The following STK3 variants were observed in gnomAD, a reference collection of about 807,000 sequenced individuals.
STK3 encodes serine/threonine kinase 3.
STK3 carries 41 observed loss-of-function variants against 58.0 expected under a neutral mutation model. The ratio of observed to expected loss-of-function variants is 0.71; its 90% confidence interval spans 0.55 to 0.92. The LOEUF (loss-of-function observed/expected upper bound fraction) is 0.92, where lower values mean the gene tolerates loss of function less well. STK3 is among the 40% of genes least tolerant of loss of function. STK3 has a pLI of 0.00. For missense variants in STK3, 479 were observed against 602.7 expected (o/e 0.79, Z 2.15); for synonymous variants, 170 against 191.0 (o/e 0.89, Z 0.91).
At chr8:98,578,735 T>C (rs1337929798) in intron 8 of STK3, among the ~76,000 whole-genome samples, 1 of 152,236 alleles carries the variant, frequency 6.6e-6, no homozygotes, top group Non-Finnish European at 1.5e-5. Flanking sequence ...AAATAATACA[T>C]GTGTTTTCAG....
chr8:98,462,293 CA>C lies in STK3; in HGVS notation c.1318-6294del, dbSNP rs1330224352. On this transcript the variant is annotated intron_variant, in intron 10 of 10. Transcript: ENST00000419617. ...TGATGAGAAAGCAAAAAATGTCCAT[CA>C]AAATATGAATGGATAAAGAAAATAT... Among the ~76,000 whole-genome samples the C allele has an allele frequency of 8.5e-5, 13 of 152,142 alleles. No individual in the cohort carries two copies. In the South Asian group the frequency reaches 2.5e-3, roughly 29 times the overall value.
At chr8:98,670,602 G>T (rs1198445507) in intron 6 of STK3, among the ~76,000 whole-genome samples, 3 of 152,158 alleles carry the variant, frequency 2.0e-5, no homozygotes, top group African/African-American at 7.2e-5. Context: ...ATGACCCAGA[G>T]AGAGAACTTC....
intron 10 of STK3, among the ~76,000 whole-genome samples, chr8:98,499,633 T>C (rs1823416820): frequency 6.6e-6 from 1 of 152,318 alleles, no homozygotes; most frequent in African/African-American, 2.4e-5. Flanking sequence ...TATATCATCA[T>C]AAGCAGAATG....
chr8:98,855,990 C>T (rs1396067646), intron 3 of STK3, among the ~76,000 whole-genome samples: 1 of 151,972 alleles, frequency 6.6e-6, no homozygotes, highest in Non-Finnish European at 1.5e-5. Flanking sequence ...AACTCCGTCT[C>T]TACTAAAAGT....
chr8:98,355,571 G>C, the STK3 span, among the ~76,000 whole-genome samples: 1,081 of 152,354 alleles, frequency 7.1e-3, 6 homozygotes, highest in Middle Eastern at 0.014. Context: ...CAGAGAAGAA[G>C]TGCAGGAACT....
chr8:98,795,079 CAA>C (rs35865316), intron 1 of STK3, among the ~76,000 whole-genome samples: 2 of 13,378 alleles, frequency 1.5e-4, no homozygotes, highest in African/African-American at 5.8e-4. Context: ...AACTCCGTCG[CAA>C]AAAAAAAAAA....
chr8:98,823,487 A>G (rs928915584), intron 1 of STK3, among the ~76,000 whole-genome samples: 1 of 152,236 alleles, frequency 6.6e-6, no homozygotes, highest in Admixed American at 6.5e-5. Context: ...CAGCCTTTGT[A>G]GCCAATCAGA....
chr8:98,647,288 T>A (rs1360902717), intron 6 of STK3, among the ~76,000 whole-genome samples: 2 of 152,198 alleles, frequency 1.3e-5, no homozygotes, highest in African/African-American at 4.8e-5. Flanking sequence ...CACAAATTTG[T>A]CCACCAAAAC....
At chr8:98,499,005 T>C (rs904463687) in intron 10 of STK3, among the ~76,000 whole-genome samples, 1 of 152,222 alleles carries the variant, frequency 6.6e-6, no homozygotes, top group African/African-American at 2.4e-5. Flanking sequence ...GAGATAATTC[T>C]GAATAACTTG....
upstream of STK3, among the ~76,000 whole-genome samples, chr8:98,828,765 A>G (rs1292275932): frequency 6.6e-6 from 1 of 152,220 alleles, no homozygotes; most frequent in Non-Finnish European, 1.5e-5. Flanking sequence ...AAGTTGTGAT[A>G]GAGATACTGT....
intron 6 of STK3, among the ~76,000 whole-genome samples, chr8:98,657,464 C>T (rs1821638472): frequency 6.6e-6 from 1 of 151,930 alleles, no homozygotes; most frequent in African/African-American, 2.4e-5. Context: ...GAAATGAGGG[C>T]AGGAGAGAGA....
At chr8:98,865,242 A>G (rs1231140697) in intron 3 of STK3, among the ~76,000 whole-genome samples, 1 of 152,134 alleles carries the variant, frequency 6.6e-6, no homozygotes, top group Admixed American at 6.5e-5. Context: ...CTTTCTTAAC[A>G]ATTAGGTGAG....
At position 98,631,197 on chromosome 8, in the gene STK3, T is replaced by A. The variant is rs147697200; in HGVS notation, c.685-35028A>T. On this transcript the variant is annotated intron_variant, in intron 6 of 10. Coordinates refer to ENST00000419617, the MANE Select transcript of STK3 (RefSeq NM_006281.4). ...GGCTTCCATTCTTGTCCTGCTACAA[T>A]CCCTTCTCAATGAAGAACGAGCCGT... 2.6e-5 allele frequency among the ~76,000 whole-genome samples: 4 copies of A among 152,270 alleles called. No homozygotes were observed. The East Asian group carries it at 7.7e-4, about 29-fold the overall frequency.
At chr8:98,544,434 T>C (rs1486846203) in intron 9 of STK3, among the ~76,000 whole-genome samples, 1 of 152,148 alleles carries the variant, frequency 6.6e-6, no homozygotes, top group Non-Finnish European at 1.5e-5. Context: ...AATATGCATT[T>C]CCCAAATAAT....
In STK3 at chr8:98,899,489, A is replaced by T. The variant is rs77244348; in HGVS notation, c.-78-15655T>A. ...CTAAACAATACATTATATTAATAACAATGATTTATATAGCATTTATAGTGT... is the reference window on the plus strand; with the variant it reads ...CTAAACAATACATTATATTAATAACTATGATTTATATAGCATTTATAGTGT... On this transcript the variant is annotated intron_variant, in intron 1 of 1. Transcript: ENST00000519420. Among the ~76,000 whole-genome samples the T allele has an allele frequency of 2.8e-3, 426 of 152,302 alleles. 6 individuals carry two copies. The highest frequency in any genetic ancestry group is 0.019 in the South Asian group (94 of 4,822).
Position 98,428,259 on chromosome 8 carries a change from G to A in STK3, n.483+5868C>T, listed in dbSNP as rs779927912. ...TCACACCGGCAAGCTTCACGTCATGGCTGAGCTATGTGTCTTCTCCTTCAG... is the reference window on the plus strand; with the variant it reads ...TCACACCGGCAAGCTTCACGTCATGACTGAGCTATGTGTCTTCTCCTTCAG... On this transcript the variant is annotated intron_variant and non_coding_transcript_variant, in intron 3 of 3. Transcript: ENST00000517832. This position sits in a 1 kb window ranked among gnomAD's most constrained non-coding sequence, Gnocchi z 6.7. 7 of 1,613,978 alleles carry A rather than the reference G, an allele frequency of 4.3e-6. No homozygotes were observed. Among genetic ancestry groups the A allele is most frequent in the Non-Finnish European group, 5.9e-6 (7 of 1,180,028 alleles).
chr8:98,429,197 C>T, intron 3 of STK3: 4 of 1,614,046 alleles, frequency 2.5e-6, no homozygotes, highest in Non-Finnish European at 3.4e-6. Flanking sequence ...TCCTGCCCAT[C>T]ACCTTGATCT....
At chr8:98,591,303 T>C (rs1586954404) in intron 7 of STK3, among the ~76,000 whole-genome samples, 1 of 152,344 alleles carries the variant, frequency 6.6e-6, no homozygotes, top group Non-Finnish European at 1.5e-5. Context: ...GTGTTTTGTG[T>C]TTTCACATTC....
chr8:98,665,098 G>A (rs1305042252), intron 6 of STK3, among the ~76,000 whole-genome samples: 2 of 152,184 alleles, frequency 1.3e-5, no homozygotes, highest in Non-Finnish European at 2.9e-5. Context: ...AAGAATGTAT[G>A]TGCACTAACT....
Sources: allele counts gnomAD v4.1 joint callset (sites outside exome capture counted in the v4.1 genomes callset), GRCh38; gene constraint gnomAD v4.1.1; non-coding constraint Gnocchi (gnomAD v3.1); transcripts MANE v1.5; gene names NCBI Gene and HGNC (gene_info 2026-07-23, HGNC 2026-07-21).